The following FLNA variants were observed in gnomAD, a reference collection of about 807,000 sequenced individuals.
FLNA encodes filamin-A.
FLNA carries 7 observed loss-of-function variants against 157.6 expected under a neutral mutation model. The ratio of observed to expected loss-of-function variants is 0.04; its 90% CI spans 0.03 to 0.08. The LOEUF (loss-of-function observed/expected upper bound fraction) is 0.08, where lower values mean the gene tolerates loss of function less well. Ranked by LOEUF, FLNA falls within the 10% of genes least tolerant of loss-of-function variation. FLNA has a pLI of 1.00. For synonymous variants in FLNA, 1,103 were observed against 1,060.8 expected, an observed-to-expected ratio of 1.04 and a Z score of -0.77; for missense variants, 1,750 against 2,398.4, an observed-to-expected ratio of 0.73 and a Z score of 5.65.
In FLNA at chrX:154,371,220, C is replaced by T. The variant is rs868939799; in HGVS notation, c.26G>A (p.Gly9Asp). The change falls in exon 2 of 48, where the codon GGC becomes GAC. Residue 9 changes from glycine to aspartate, a missense_variant. Gly to Asp is a moderately conservative substitution (Grantham distance 94). Transcript: ENST00000369850. ...CGGAGCCGCGCCTGCTGCGCTCTGG[C>T]CCGCCCGAGAGTGGGAGCTACTCAT... MSSSHSRA[G>D]QSAAGAAPGG... 1 of 1,200,185 alleles carries T rather than the reference C, an allele frequency of 8.3e-7. No individual in the cohort carries two copies. Among genetic ancestry groups the T allele is most frequent in the Admixed American group, 2.2e-5 (1 of 44,484 alleles).
chrX:154,357,025 GA>G (rs1557176941), intron 30 of FLNA, among the ~76,000 whole-genome samples: 1 of 112,053 alleles, frequency 8.9e-6, no homozygotes, highest in African/African-American at 3.2e-5. Context: ...CTCAGATGGG[GA>G]AATAAAGGCC....
At chrX:154,359,951 CCT>C in intron 22 of FLNA, 37 bp downstream of exon 22, 2 of 1,207,229 alleles carry the variant, frequency 1.7e-6, no homozygotes, top group Non-Finnish European at 2.2e-6. Context: ...GGTTCTGGTC[CCT>C]GTCCCCCGTC....
intron 30 of FLNA, among the ~76,000 whole-genome samples, chrX:154,355,755 G>T (rs1285741664): frequency 8.8e-6 from 1 of 113,086 alleles, no homozygotes; most frequent in African/African-American, 3.2e-5. Context: ...CCACTGCTGG[G>T]TTGCGAGGGC....
At chrX:154,351,148 C>T (rs1441191206) in intron 43 of FLNA, 107 bp from the exon 44 acceptor site, 13 of 942,332 alleles carry the variant, frequency 1.4e-5, no homozygotes, top group Non-Finnish European at 2.0e-5. Flanking sequence ...ACCCATCTGG[C>T]GTCCAACTTG....
intron 1 of FLNA, among the ~76,000 whole-genome samples, chrX:154,373,569 C>G (rs2067823139): frequency 8.9e-6 from 1 of 112,648 alleles, no homozygotes; most frequent in African/African-American, 3.2e-5. Context: ...GTTAGGCACA[C>G]CCCGCCCACC....
intron 15 of FLNA, among the ~76,000 whole-genome samples, chrX:154,363,779 C>T (rs1245126073): frequency 3.6e-5 from 4 of 111,846 alleles, no homozygotes; most frequent in African/African-American, 6.5e-5. Flanking sequence ...CAAACATGAA[C>T]GAAAACACGG....
At position 154,359,332 on chromosome X, in the gene FLNA, T is replaced by C; in HGVS notation, c.4217A>G (p.Lys1406Arg). ...SEAKMSCMDN[K>R]DGSCSVEYIP... is the part of the protein sequence containing the mutation. The stretch of plus-strand genomic sequence containing the variant: ...GTACTCGACCGAGCAGCTGCCGTCC[T>C]TGTTATCCATGCAGGACATCTTGGC... Residue 1406 changes from lysine to arginine, a missense_variant, in exon 25 of 48, where the codon AAG (lysine) becomes AGG (arginine). Transcript: ENST00000369850. 8.3e-7 allele frequency: 1 copy of C among 1,211,315 alleles called. No individual in the cohort carries two copies. Among genetic ancestry groups the C allele is most frequent in the Non-Finnish European group, 1.1e-6 (1 of 895,540 alleles).
In FLNA at chrX:154,359,975, G is replaced by C. The variant is rs144968452; in HGVS notation, c.3805+15C>G. 6 of 1,204,070 alleles carry C rather than the reference G, an allele frequency of 5.0e-6. No individual in the cohort carries two copies. In the African/African-American group the frequency reaches 1.1e-4, roughly 21 times the overall value. ...CCCTGTCCCCCGTCACATACCCCACGGCAGGGCAACTCACCCTGGCCCTCA... is the reference window on the plus strand; with the variant it reads ...CCCTGTCCCCCGTCACATACCCCACCGCAGGGCAACTCACCCTGGCCCTCA... On this transcript the variant is annotated intron_variant, in intron 22 of 47. Transcript: ENST00000369850.
chrX:154,367,097 T>C (rs1036438212), intron 5 of FLNA, among the ~76,000 whole-genome samples: 4 of 112,310 alleles, frequency 3.6e-5, no homozygotes, highest in African/African-American at 1.3e-4. Flanking sequence ...TGTGTGAGCC[T>C]TGACTGGGTT....
chrX:154,360,692 C>A, intron 21 of FLNA, 105 bp from the exon 22 acceptor site: 1 of 749,862 alleles, frequency 1.3e-6, no homozygotes, highest in Non-Finnish European at 2.0e-6. Flanking sequence ...CCTGCCCTCA[C>A]CAAACAGGGA....
At chrX:154,350,253 A>C in intron 44 of FLNA, 46 bp from the exon 45 acceptor site, 1 of 1,109,123 alleles carries the variant, frequency 9.0e-7, no homozygotes, top group Non-Finnish European at 1.2e-6. Context: ...CCCTCCTCAA[A>C]CCAGCAGATG....
chrX:154,351,347 C>A, intron 43 of FLNA: 1 of 440,071 alleles, frequency 2.3e-6, no homozygotes, highest in Non-Finnish European at 4.0e-6. Flanking sequence ...GCTCAAGGGG[C>A]ACAGGCTTCT....
In FLNA at chrX:154,352,778, C is replaced by T. The variant is rs1557176038; in HGVS notation, c.6373G>A (p.Val2125Met). ...GAGGCACTGCTGCACTCACCAGGCA[C>T]GTGCTGGTCGGCAAACTTGATGTTG... ...IINIKFADQH[V>M]PGSPFSVKVT... Residue 2125 changes from valine to methionine, a missense_variant, in exon 39 of 48, where the codon GTG becomes ATG. Around this residue, in one of 5 missense-constraint regions of FLNA, gnomAD observed 970 missense variants for 1,302.6 expected, o/e 0.74. Coordinates refer to ENST00000369850, the MANE Select transcript of FLNA (RefSeq NM_001110556.2). 5 of 1,211,958 alleles carry T rather than the reference C, an allele frequency of 4.1e-6. No homozygotes were observed. The highest frequency in any genetic ancestry group is 3.0e-5 in the East Asian group (1 of 33,868).
Position 154,359,095 on chromosome X carries a change from C to G in FLNA, c.4363G>C (p.Gly1455Arg), listed in dbSNP as rs782703263. 5.0e-6 allele frequency: 6 copies of G among 1,211,367 alleles called. No individual in the cohort carries two copies. The highest frequency in any genetic ancestry group is 6.7e-6 in the Non-Finnish European group (6 of 895,455). ...ACCATGCCTGGGCTCAGGCCGGGCCCAGAGCACTTGACCTTGGACGCATCT... is the reference window on the plus strand; with the variant it reads ...ACCATGCCTGGGCTCAGGCCGGGCCGAGAGCACTTGACCTTGGACGCATCT... ...VTDASKVKCS[G>R]PGLSPGMVRA... The change falls in exon 26 of 48, where the codon GGG becomes CGG. Residue 1455 changes from glycine (G) to arginine (R), a missense_variant. This residue lies in a region of FLNA where 970 missense variants were observed against 1,302.6 expected (regional missense o/e 0.74). Coordinates refer to ENST00000369850, the MANE Select transcript of FLNA (RefSeq NM_001110556.2).
At position 154,348,971 on chromosome X, in the gene FLNA, G is replaced by A. The variant is rs781993962; in HGVS notation, c.7822C>T (p.His2608Tyr). ...RTPCEEILVK[H>Y]VGSRLYSVSY... The stretch of plus-strand genomic sequence containing the variant: ...ACGCTGTAGAGCCGGCTGCCCACGT[G>A]CTTCACCAGGATCTCCTCGCAGGGG... Residue 2608 changes from histidine (H) to tyrosine (Y), a missense_variant, in exon 48 of 48, where the codon CAC (histidine) becomes TAC (tyrosine). By Grantham distance (83) the His-to-Tyr change is moderately conservative. Around this residue, in one of 5 missense-constraint regions of FLNA, gnomAD observed 970 missense variants for 1,302.6 expected, o/e 0.74. Transcript: ENST00000369850. 7.6e-5 allele frequency: 92 copies of A among 1,209,883 alleles called. No homozygotes were observed. In the South Asian group the frequency reaches 1.6e-3, roughly 21 times the overall value.
chrX:154,354,109 G>A, intron 34 of FLNA, 42 bp downstream of exon 34: 1 of 1,211,999 alleles, frequency 8.3e-7, no homozygotes, highest in Non-Finnish European at 1.1e-6. Flanking sequence ...ATCTCTCTGT[G>A]AGGTGGTGGC....
rs1557179557 is a variant in FLNA, at chrX:154,367,527, C to T, written c.738G>A (p.Glu246=). ...GCTCGTCCACGTTGGGGTCCACAAT[C>T]TCCTCGGGGGTGATCACCTGTCACA... is the stretch of plus-strand genomic sequence containing the variant. ...LGIPQVITPE[E]IVDPNVDEHS... The change falls in exon 5 of 48, where the codon GAG becomes GAA. Residue 246 remains glutamate, a synonymous_variant. Transcript: ENST00000369850. 3 of 1,211,530 alleles carry T rather than the reference C, an allele frequency of 2.5e-6. No homozygotes were observed. The highest frequency in any genetic ancestry group is 3.4e-6 in the Non-Finnish European group (3 of 895,449).
rs201550267 is a variant in FLNA at position 154,364,933 on chromosome X, G to A, written c.1716C>T (p.Thr572=). ...GRSPFEVKVG[T]ECGNQKVRAW... ...CCCGTACCTTCTGATTGCCACACTC[G>A]GTGCCCACCTTCACTTCGAAGGGAC... The change falls in exon 12 of 48, where the codon ACC becomes ACT. Residue 572 remains threonine, a synonymous_variant. Transcript: ENST00000369850. The A allele has an allele frequency of 4.4e-4, 527 of 1,209,748 alleles. No homozygotes were observed. Among genetic ancestry groups the A allele is most frequent in the Non-Finnish European group, 5.2e-4 (464 of 895,205 alleles).
At chrX:154,363,024 T>C (rs1430745194) in intron 15 of FLNA, among the ~76,000 whole-genome samples, 2 of 112,825 alleles carry the variant, frequency 1.8e-5, no homozygotes, top group Non-Finnish European at 3.8e-5. Context: ...GCACTGTTCA[T>C]GATCACCAAA....
Sources: allele counts gnomAD v4.1 joint callset (sites outside exome capture counted in the v4.1 genomes callset), GRCh38; gene constraint gnomAD v4.1.1; regional missense constraint gnomAD v4.1.1; transcripts MANE v1.5; gene names NCBI Gene and HGNC (gene_info 2026-07-23, HGNC 2026-07-21).